The following EEPD1 variants were observed in gnomAD, a reference collection of about 807,000 sequenced individuals.
The protein encoded by EEPD1 is endonuclease/exonuclease/phosphatase family domain-containing protein 1.
A neutral mutation model predicts 46.3 loss-of-function variants in EEPD1; 17 were observed. That is an observed-to-expected ratio of 0.37 (90% CI 0.25 to 0.55). EEPD1 has a LOEUF of 0.55. Among genes scored for constraint, EEPD1 ranks in the 20% least tolerant of loss-of-function variants. The pLI, the probability that EEPD1 is intolerant of heterozygous loss-of-function variation, is 0.83. For missense variants in EEPD1, 673 were observed against 745.6 expected, an observed-to-expected ratio of 0.90 and a Z score of 1.13; for synonymous variants, 313 against 315.6, an observed-to-expected ratio of 0.99 and a Z score of 0.09.
chr7:36,236,978 G>C (rs1248762137), intron 2 of EEPD1, among the ~76,000 whole-genome samples: 1 of 152,170 alleles, frequency 6.6e-6, no homozygotes, highest in Non-Finnish European at 1.5e-5. Context: ...TTTGCTCTTC[G>C]CAATAAATCT....
chr7:36,198,415 CAAA>C (rs70977116), intron 2 of EEPD1, among the ~76,000 whole-genome samples: 215 of 93,620 alleles, frequency 2.3e-3, no homozygotes, highest in African/African-American at 7.5e-3. Context: ...TTTAATAAAC[CAAA>C]AAAAAAAAAA....
chr7:36,264,075 C>T (rs984353293), intron 3 of EEPD1, among the ~76,000 whole-genome samples: 3 of 152,010 alleles, frequency 2.0e-5, no homozygotes, highest in African/African-American at 7.3e-5. Flanking sequence ...AAAGCTCACA[C>T]CAGTTAATTA....
chr7:36,274,584 C>T (rs1365001689), intron 3 of EEPD1, among the ~76,000 whole-genome samples: 1 of 152,114 alleles, frequency 6.6e-6, no homozygotes, highest in Non-Finnish European at 1.5e-5. Flanking sequence ...GGTACACGTG[C>T]AGGATGTGCA....
chr7:36,260,989 C>T (rs1265713705), intron 3 of EEPD1, among the ~76,000 whole-genome samples: 1 of 152,150 alleles, frequency 6.6e-6, no homozygotes, highest in Non-Finnish European at 1.5e-5. Flanking sequence ...AGATTATAAA[C>T]AAATACTGTA....
At chr7:36,256,811 A>G (rs1179229309) in intron 3 of EEPD1, among the ~76,000 whole-genome samples, 1 of 152,224 alleles carries the variant, frequency 6.6e-6, no homozygotes, top group Non-Finnish European at 1.5e-5. Context: ...TGGGACATTT[A>G]GCCCATTTAC....
chr7:36,279,840 C>T (rs992267976), intron 3 of EEPD1, among the ~76,000 whole-genome samples: 1 of 152,154 alleles, frequency 6.6e-6, no homozygotes, highest in African/African-American at 2.4e-5. Context: ...CTTTGAGGAC[C>T]GCAGAGAGGT....
chr7:36,282,786 C>CT (rs1411559861), intron 4 of EEPD1, among the ~76,000 whole-genome samples: 1 of 152,264 alleles, frequency 6.6e-6, no homozygotes, highest in Non-Finnish European at 1.5e-5. Flanking sequence ...GCTCTGGCTG[C>CT]TGCTGGGTCC....
At chr7:36,185,440 C>A (rs1785347842) in intron 2 of EEPD1, among the ~76,000 whole-genome samples, 1 of 152,210 alleles carries the variant, frequency 6.6e-6, no homozygotes, top group Admixed American at 6.5e-5. Context: ...TTTGTTATTA[C>A]AAGCAGTGCT....
Position 36,193,689 on chromosome 7 carries a change from G to T in EEPD1, c.878+38487G>T, listed in dbSNP as rs1022318334. ...ATTGTTTGGCCTTCAGTGAGGGGCA[G>T]TCTTGATCAAGAAAATGTTCCTAGG... On this transcript the variant is annotated intron_variant, in intron 2 of 7. Coordinates refer to ENST00000242108, the MANE Select transcript of EEPD1 (RefSeq NM_030636.3). This position sits in a 1 kb window ranked among gnomAD's most constrained non-coding sequence, Gnocchi z 4.9. 3.9e-5 allele frequency among the ~76,000 whole-genome samples: 6 copies of T among 152,184 alleles called. No homozygotes were observed. The highest frequency in any genetic ancestry group is 1.4e-4 in the African/African-American group (6 of 41,444).
chr7:36,155,490 G>A (rs963815269), intron 2 of EEPD1, among the ~76,000 whole-genome samples: 6 of 152,132 alleles, frequency 3.9e-5, no homozygotes, highest in Admixed American at 6.5e-5. Flanking sequence ...CTGCTTTGGA[G>A]GATGCTGGGT....
At chr7:36,254,592 G>C (rs1175349587) in intron 3 of EEPD1, among the ~76,000 whole-genome samples, 3 of 152,154 alleles carry the variant, frequency 2.0e-5, no homozygotes, top group African/African-American at 7.2e-5. Flanking sequence ...AAATATACGT[G>C]TGCATGTGTC....
chr7:36,198,577 G>A (rs866177275), intron 2 of EEPD1, among the ~76,000 whole-genome samples: 12 of 152,194 alleles, frequency 7.9e-5, no homozygotes, highest in Admixed American at 6.5e-4. Flanking sequence ...AGATGTGTTA[G>A]GTGAGCAGGG....
At chr7:36,284,543 C>A in intron 4 of EEPD1, 143 bp from the exon 5 acceptor site, 1 of 1,023,764 alleles carries the variant, frequency 9.8e-7, no homozygotes. Flanking sequence ...GTGGCTGTGG[C>A]TTTCGTGGTG....
intron 6 of EEPD1, among the ~76,000 whole-genome samples, chr7:36,289,986 T>A (rs909641446): frequency 3.3e-5 from 5 of 152,238 alleles, no homozygotes; most frequent in African/African-American, 1.2e-4. Flanking sequence ...ACCAACGTTC[T>A]ACTTTAAGGA....
intron 2 of EEPD1, among the ~76,000 whole-genome samples, chr7:36,212,745 G>T (rs897797151): frequency 1.4e-4 from 22 of 151,778 alleles, no homozygotes; most frequent in Non-Finnish European, 2.6e-4. Flanking sequence ...ACATGTACAT[G>T]TAGGAATATA....
In EEPD1 at chr7:36,281,536, C is replaced by G. The variant is rs551200146; in HGVS notation, c.1041+311C>G. Among the ~76,000 whole-genome samples the G allele has an allele frequency of 1.5e-4, 23 of 152,286 alleles. No individual in the cohort carries two copies. In the South Asian group the frequency reaches 4.4e-3, roughly 29 times the overall value. ...CCCTTCGCCACAGTTCTGTCTTCTGCCAAGTTTGTGCAGAGCTCATTACTC... is the reference window on the plus strand; with the variant it reads ...CCCTTCGCCACAGTTCTGTCTTCTGGCAAGTTTGTGCAGAGCTCATTACTC... On this transcript the variant is annotated intron_variant, in intron 4 of 7. Transcript: ENST00000242108.
chr7:36,271,688 G>C (rs1006977564), intron 3 of EEPD1, among the ~76,000 whole-genome samples: 5 of 140,574 alleles, frequency 3.6e-5, no homozygotes, highest in Admixed American at 2.2e-4. Context: ...CTTTGCCCAT[G>C]CCTATGTCCT....
rs56236165 is a variant in EEPD1, at chr7:36,165,411, C to CTTTTTTTTTTTTT, written c.878+10225_878+10237dup. 3.7e-4 allele frequency among the ~76,000 whole-genome samples: 23 copies of CTTTTTTTTTTTTT among 62,104 alleles called. 5 individuals carry two copies. Among genetic ancestry groups the CTTTTTTTTTTTTT allele is most frequent in the African/African-American group, 1.6e-3 (23 of 14,102 alleles). 40.7% of individuals were successfully genotyped at this position (62,104 alleles called of 152,430 possible). On this transcript the variant is annotated intron_variant, in intron 2 of 7. Coordinates refer to ENST00000242108, the MANE Select transcript of EEPD1 (RefSeq NM_030636.3). ...ATGAAATCGCCTAATGATCCATTTC[C>CTTTTTTTTTTTTT]TTTTTTTTTTTTTTTTTTTTTTTTT...
chr7:36,255,766 CA>C (rs762592313), intron 3 of EEPD1, among the ~76,000 whole-genome samples: 21 of 152,050 alleles, frequency 1.4e-4, no homozygotes, highest in Non-Finnish European at 2.8e-4. Flanking sequence ...TTAATCTTTT[CA>C]AAAAACCAGC....
Sources: gnomAD v4.1 joint callset for allele counts (sites outside exome capture counted in the v4.1 genomes callset) on GRCh38, gnomAD v4.1.1 for gene constraint, Gnocchi (gnomAD v3.1) non-coding constraint, MANE v1.5 for transcripts, NCBI Gene and HGNC (gene_info 2026-07-23, HGNC 2026-07-21) for gene names.